The following TRDN variants were observed in gnomAD, a reference collection of about 807,000 sequenced individuals.
TRDN encodes the protein triadin.
In TRDN, 161 loss-of-function variants were observed where a neutral mutation model predicts 149.7. The observed-to-expected ratio is 1.08, with a 90% CI of 0.95 to 1.23. The LOEUF (loss-of-function observed/expected upper bound fraction) is 1.23, where lower values mean the gene tolerates loss of function less well. TRDN is among the 50% of genes most tolerant of loss of function. TRDN has a pLI of 0.00. For synonymous variants in TRDN, 294 were observed against 250.5 expected (o/e 1.17, Z -1.64); for missense variants, 896 against 823.5 (o/e 1.09, Z -1.08).
At chr6:123,346,367 T>C (rs1168980538) in intron 21 of TRDN, among the ~76,000 whole-genome samples, 1 of 152,102 alleles carries the variant, frequency 6.6e-6, no homozygotes, top group Non-Finnish European at 1.5e-5. Flanking sequence ...CTTGCATATC[T>C]GGAATACGTA....
chr6:123,510,846 G>C (rs1162673184), intron 7 of TRDN, among the ~76,000 whole-genome samples: 2 of 152,038 alleles, frequency 1.3e-5, no homozygotes, highest in Non-Finnish European at 2.9e-5. Flanking sequence ...ATTTCACCAT[G>C]TTGTCCAGGC....
At chr6:123,334,798 C>G (rs79672185) in intron 22 of TRDN, among the ~76,000 whole-genome samples, 1 of 151,954 alleles carries the variant, frequency 6.6e-6, no homozygotes, top group Admixed American at 6.6e-5. Flanking sequence ...CCCCCAGTGA[C>G]TCATGGTTAT....
chr6:123,508,304 A>C (rs941425705), intron 7 of TRDN, among the ~76,000 whole-genome samples: 1 of 152,226 alleles, frequency 6.6e-6, no homozygotes, highest in African/African-American at 2.4e-5. Flanking sequence ...TGACTAACCC[A>C]ATTTCTAATC....
chr6:123,606,313 G>A (rs1041201269), intron 1 of TRDN, among the ~76,000 whole-genome samples: 1 of 151,868 alleles, frequency 6.6e-6, no homozygotes, highest in Admixed American at 6.6e-5. Context: ...TTATATAAGT[G>A]CATAAATACA....
At chr6:123,438,009 T>G (rs1774669142) in intron 12 of TRDN, 54 bp downstream of exon 12, 1 of 1,453,520 alleles carries the variant, frequency 6.9e-7, no homozygotes, top group Non-Finnish European at 9.5e-7. Context: ...GAGTCTTTCA[T>G]GAAGCAAACA....
intron 9 of TRDN, among the ~76,000 whole-genome samples, chr6:123,490,524 A>C (rs1315564853): frequency 6.6e-6 from 1 of 152,224 alleles, no homozygotes; most frequent in Non-Finnish European, 1.5e-5. Flanking sequence ...CTGAAACTGC[A>C]AATAGCAAAA....
chr6:123,222,526 G>T (rs937460280), intron 39 of TRDN, among the ~76,000 whole-genome samples: 1 of 151,484 alleles, frequency 6.6e-6, no homozygotes, highest in Non-Finnish European at 1.5e-5. Flanking sequence ...ATTCAGAAAG[G>T]TGTCTTAATA....
intron 19 of TRDN, among the ~76,000 whole-genome samples, chr6:123,373,468 C>A (rs1322081245): frequency 6.6e-6 from 1 of 152,120 alleles, no homozygotes; most frequent in African/African-American, 2.4e-5. Context: ...TGAAAAGGGA[C>A]TAATATATGC....
chr6:123,345,641 A>G (rs1765649772), intron 21 of TRDN, among the ~76,000 whole-genome samples: 1 of 152,082 alleles, frequency 6.6e-6, no homozygotes, highest in African/African-American at 2.4e-5. Flanking sequence ...CTGTAGCTCA[A>G]TTTAGGAAGA....
At chr6:123,586,432 G>A (rs112974810) in intron 1 of TRDN, among the ~76,000 whole-genome samples, 29,729 of 151,872 alleles carry the variant, frequency 0.2, 3,391 homozygotes, top group African/African-American at 0.32. Context: ...CAGGTGGGAG[G>A]GAAAGGAGGA....
chr6:123,635,111 A>G (rs1039737512), intron 1 of TRDN, among the ~76,000 whole-genome samples: 9 of 152,068 alleles, frequency 5.9e-5, no homozygotes, highest in Non-Finnish European at 1.3e-4. Context: ...GAACAGAGGT[A>G]GAGAAACAGA....
At chr6:123,553,237 A>G (rs1220961071) in intron 2 of TRDN, among the ~76,000 whole-genome samples, 13 of 152,128 alleles carry the variant, frequency 8.5e-5, no homozygotes. Flanking sequence ...TTCAAGTGCT[A>G]CACAACTGGT....
In TRDN at chr6:123,217,033, A is replaced by G. The variant is rs1582729028; in HGVS notation, c.*1568T>C. The stretch of plus-strand genomic sequence containing the variant: ...TTGTCACCTGAAGGGGCTTTGCAAG[A>G]TGGTATTGTCTGGTCATTCCTGAAA... On this transcript the variant is annotated 3_prime_UTR_variant, in exon 41 of 41. Coordinates refer to ENST00000334268, the MANE Select transcript of TRDN (RefSeq NM_006073.4). 1 of 152,062 alleles carries G rather than the reference A, an allele frequency of 6.6e-6. No homozygotes were observed. The highest frequency in any genetic ancestry group is 1.9e-4 in the East Asian group (1 of 5,132). The allele number at this position is 152,062 out of a possible 1,614,324, so 9.4% of individuals were successfully genotyped here.
At chr6:123,337,739 G>T (rs1582889787) in intron 21 of TRDN, 70 bp from the exon 22 acceptor site, 1 of 904,214 alleles carries the variant, frequency 1.1e-6, no homozygotes, top group East Asian at 3.2e-5. Context: ...GTCTCTTCAT[G>T]TGTTTTGTAT....
At chr6:123,274,793 A>G in intron 26 of TRDN, 123 bp from the exon 27 acceptor site, 1 of 901,818 alleles carries the variant, frequency 1.1e-6, no homozygotes, top group South Asian at 1.6e-5. Flanking sequence ...GAATTGCTTG[A>G]ACCCAGGAGG....
intron 8 of TRDN, chr6:123,498,601 A>G: frequency 2.1e-6 from 1 of 471,040 alleles, no homozygotes; most frequent in South Asian, 1.5e-5. Context: ...CCTTTGATGT[A>G]CTGGCAGTAA....
At chr6:123,390,857 G>A (rs879813736) in intron 13 of TRDN, among the ~76,000 whole-genome samples, 3 of 152,014 alleles carry the variant, frequency 2.0e-5, no homozygotes, top group Non-Finnish European at 4.4e-5. Flanking sequence ...TAGTTTTGTT[G>A]ATGTTGTTCT....
At chr6:123,249,405 T>C (rs1776299053) in intron 38 of TRDN, among the ~76,000 whole-genome samples, 2 of 152,082 alleles carry the variant, frequency 1.3e-5, no homozygotes, top group African/African-American at 2.4e-5. Context: ...GAACTAACAT[T>C]TGACCCAGTA....
In TRDN at chr6:123,259,418, G is replaced by C. The variant is rs546012540; in HGVS notation, c.1870+206C>G. Among the ~76,000 whole-genome samples the C allele has an allele frequency of 4.9e-4, 75 of 152,078 alleles. No individual in the cohort carries two copies. In the Middle Eastern group the frequency reaches 0.024, roughly 49 times the overall value. On this transcript the variant is annotated intron_variant, in intron 35 of 40. Coordinates refer to ENST00000334268, the MANE Select transcript of TRDN (RefSeq NM_006073.4). Reference sequence around the variant, plus strand: ...AGTCTGCTTTCAGTTCTAAATTCCTGATCCTTTTAGATATTTAATAAAAAT... The same window carrying C: ...AGTCTGCTTTCAGTTCTAAATTCCTCATCCTTTTAGATATTTAATAAAAAT...
Sources: gnomAD v4.1 joint callset for allele counts (sites outside exome capture counted in the v4.1 genomes callset) on GRCh38, gnomAD v4.1.1 for gene constraint, MANE v1.5 for transcripts, NCBI Gene and HGNC (gene_info 2026-07-23, HGNC 2026-07-21) for gene names.